ME1: variants seen among roughly 807,000 people sequenced by gnomAD.
ME1 encodes the protein NADP-dependent malic enzyme.
A neutral mutation model predicts 66.4 loss-of-function variants in ME1; 74 were observed. That is an observed-to-expected ratio of 1.11 (90% CI 0.92 to 1.35). ME1 has a LOEUF of 1.35. ME1 is among the 40% of genes most tolerant of loss of function. The pLI is 0.00. For synonymous variants in ME1, 251 were observed against 235.6 expected, an observed-to-expected ratio of 1.07 and a Z score of -0.60; for missense variants, 750 against 694.1, an observed-to-expected ratio of 1.08 and a Z score of -0.90.
At chr6:83,296,326 C>G (rs566895693) in intron 6 of ME1, among the ~76,000 whole-genome samples, 1 of 152,306 alleles carries the variant, frequency 6.6e-6, no homozygotes, top group Admixed American at 6.5e-5. Flanking sequence ...CCACTACGAT[C>G]AAGTAGGCTT....
chr6:83,258,120 A>G (rs888021637), intron 6 of ME1, among the ~76,000 whole-genome samples: 3 of 152,196 alleles, frequency 2.0e-5, no homozygotes, highest in Non-Finnish European at 4.4e-5. Flanking sequence ...TGGTCAGGCT[A>G]TAAATTTATA....
At chr6:83,401,834 C>T (rs1769846645) in intron 2 of ME1, among the ~76,000 whole-genome samples, 1 of 152,176 alleles carries the variant, frequency 6.6e-6, no homozygotes, top group Admixed American at 6.5e-5. Context: ...CACCATTCTC[C>T]AGGGTAATTA....
intron 6 of ME1, among the ~76,000 whole-genome samples, chr6:83,292,957 G>T (rs1767531131): frequency 6.6e-6 from 1 of 152,198 alleles, no homozygotes; most frequent in African/African-American, 2.4e-5. Context: ...AGCCAGGCAT[G>T]GGAGGGGATC....
chr6:83,248,795 G>A (rs933414763), intron 7 of ME1, among the ~76,000 whole-genome samples: 1 of 152,154 alleles, frequency 6.6e-6, no homozygotes, highest in Non-Finnish European at 1.5e-5. Context: ...AAGAAAGTGT[G>A]AGTCAATTAA....
Position 83,231,934 on chromosome 6 carries a change from C to T in ME1, c.1027-3003G>A, listed in dbSNP as rs527637802. ...ATTATTACTTTAATCTCCCCTATCC[C>T]TTTATATTGTGATGATTCTTACTAT... is the stretch of plus-strand genomic sequence containing the variant. On this transcript the variant is annotated intron_variant, in intron 9 of 13. Coordinates refer to ENST00000369705, the MANE Select transcript of ME1 (RefSeq NM_002395.6). Among the ~76,000 whole-genome samples the T allele has an allele frequency of 4.6e-5, 7 of 152,164 alleles. No individual in the cohort carries two copies. The South Asian group carries it at 1.2e-3, about 27-fold the overall frequency.
intron 8 of ME1, 44 bp from the exon 9 acceptor site, chr6:83,237,874 A>G (rs1790445640): frequency 3.8e-6 from 4 of 1,060,364 alleles, no homozygotes; most frequent in Non-Finnish European, 5.6e-6. Context: ...TCTACATGAT[A>G]TCTTATTAAG....
At chr6:83,370,503 T>G (rs552973317) in intron 3 of ME1, among the ~76,000 whole-genome samples, 8 of 152,104 alleles carry the variant, frequency 5.3e-5, no homozygotes, top group African/African-American at 1.7e-4. Context: ...GAAATATCCA[T>G]AGAATGATAA....
At position 83,295,460 on chromosome 6, in the gene ME1, A is replaced by T. The variant is rs9344347; in HGVS notation, c.704+19850T>A. Among the ~76,000 whole-genome samples, 4 of 152,360 alleles carry T rather than the reference A, an allele frequency of 2.6e-5. No homozygotes were observed. In the East Asian group the frequency reaches 5.8e-4, roughly 22 times the overall value. ...AAATAAAATTCAGAATATGGATAGG[A>T]ATGAAGATCATTGAAAGTTGGAAGA... On this transcript the variant is annotated intron_variant, in intron 6 of 13. Transcript: ENST00000369705.
At chr6:83,314,601 G>T (rs1767991153) in intron 6 of ME1, among the ~76,000 whole-genome samples, 1 of 151,944 alleles carries the variant, frequency 6.6e-6, no homozygotes, top group Admixed American at 6.6e-5. Flanking sequence ...ATTACCTTTA[G>T]GCTATGTGTA....
At chr6:83,369,715 G>A in intron 3 of ME1, among the ~76,000 whole-genome samples, 1 of 134,440 alleles carries the variant, frequency 7.4e-6, no homozygotes. Flanking sequence ...AAGGAAGGAA[G>A]GAAGGAAGGA....
At chr6:83,306,203 G>A (rs1767821567) in intron 6 of ME1, among the ~76,000 whole-genome samples, 1 of 151,696 alleles carries the variant, frequency 6.6e-6, no homozygotes, top group Non-Finnish European at 1.5e-5. Flanking sequence ...TATTATATGT[G>A]GGACTATAGA....
At chr6:83,239,685 C>G (rs1350598243) in intron 7 of ME1, 49 bp from the exon 8 acceptor site, 1 of 1,321,462 alleles carries the variant, frequency 7.6e-7, no homozygotes, top group Non-Finnish European at 1.1e-6. Context: ...CAGATCCTGC[C>G]AATTTTCAAG....
At chr6:83,370,019 T>C (rs750052872) in intron 3 of ME1, among the ~76,000 whole-genome samples, 86 of 152,172 alleles carry the variant, frequency 5.7e-4, no homozygotes, top group Middle Eastern at 6.8e-3. Flanking sequence ...AGATAATAGT[T>C]CTTAAATATT....
intron 2 of ME1, among the ~76,000 whole-genome samples, chr6:83,405,871 G>A (rs1159054878): frequency 6.6e-6 from 1 of 151,726 alleles, no homozygotes; most frequent in African/African-American, 2.4e-5. Context: ...ACAGGCGCCC[G>A]CCACTATGCC....
chr6:83,293,825 C>A (rs1583362214), intron 6 of ME1, among the ~76,000 whole-genome samples: 1 of 152,200 alleles, frequency 6.6e-6, no homozygotes, highest in Admixed American at 6.5e-5. Flanking sequence ...CATACAAATT[C>A]TCCAGAGTCA....
chr6:83,405,637 G>A (rs1422169560), intron 2 of ME1, among the ~76,000 whole-genome samples: 1 of 151,914 alleles, frequency 6.6e-6, no homozygotes, highest in African/African-American at 2.4e-5. Context: ...TATTGGCTGT[G>A]GGTTTGTCAT....
chr6:83,393,479 T>TGCCACACTCAGTCTCCC (rs1459415983), intron 3 of ME1: 4 of 469,094 alleles, frequency 8.5e-6, no homozygotes, highest in African/African-American at 6.0e-5. Context: ...GGAGAGTCCC[T>TGCCACACTCAGTCTCCC]GCCACACTCA....
rs374350595 is a variant in ME1 at position 83,430,977 on chromosome 6, G to A, written c.-23C>T. 234 of 1,506,632 alleles carry A rather than the reference G, an allele frequency of 1.6e-4. 1 individual carries two copies. Among genetic ancestry groups the A allele is most frequent in the Non-Finnish European group, 1.9e-4 (217 of 1,122,560 alleles). 93.3% of individuals were successfully genotyped at this position (1,506,632 alleles called of 1,614,324 possible). A position where few individuals can be genotyped will look rare whatever the true frequency, so the allele number is the denominator to read the frequency against. On this transcript the variant is annotated 5_prime_UTR_variant, in exon 1 of 14. Coordinates refer to ENST00000369705, the MANE Select transcript of ME1 (RefSeq NM_002395.6). The stretch of plus-strand genomic sequence containing the variant: ...CATGGCTGGCGCCGGGTTCGGCGGC[G>A]GGGTCAGGCCGGGGCGGGCCGCACG...
intron 7 of ME1, 76 bp from the exon 8 acceptor site, chr6:83,239,712 G>A: frequency 9.8e-7 from 1 of 1,017,814 alleles, no homozygotes; most frequent in Non-Finnish European, 1.5e-6. Context: ...TTCACAACTT[G>A]AAATAATCAT....
Sources: allele counts gnomAD v4.1 joint callset (sites outside exome capture counted in the v4.1 genomes callset), GRCh38; gene constraint gnomAD v4.1.1; transcripts MANE v1.5; gene names NCBI Gene and HGNC (gene_info 2026-07-23, HGNC 2026-07-21).